Variants in ATG4B observed in about 807,000 individuals in gnomAD.
ATG4B encodes cysteine protease ATG4B.
A neutral mutation model predicts 56.6 loss-of-function variants in ATG4B; 29 were observed. The observed-to-expected ratio is 0.51, with a 90% confidence interval of 0.38 to 0.70. The LOEUF is 0.70. Ranked by LOEUF, ATG4B falls within the 30% of genes least tolerant of loss-of-function variation. The pLI, the probability that ATG4B is intolerant of heterozygous loss-of-function variation, is 0.00. For missense variants in ATG4B, 461 were observed against 515.5 expected (o/e 0.89, Z 1.02); for synonymous variants, 224 against 206.1 (o/e 1.09, Z -0.74).
rs140037398 is a variant in ATG4B at position 241,645,729 on chromosome 2, C to T, written c.11-5281C>T. The stretch of plus-strand genomic sequence containing the variant: ...ACGTGTGGACACTCCCCACTTGCAG[C>T]GTCCTCCACAGTACCGAGAGGAGGG... On this transcript the variant is annotated intron_variant, in intron 1 of 12. Coordinates refer to ENST00000404914, the MANE Select transcript of ATG4B (RefSeq NM_013325.5). 4.0e-3 allele frequency among the ~76,000 whole-genome samples: 608 copies of T among 152,254 alleles called. 6 individuals carry two copies. Among genetic ancestry groups the T allele is most frequent in the African/African-American group, 0.014 (575 of 41,542 alleles).
Position 241,673,244 on chromosome 2 carries a change from G to C in ATG4B, c.*980G>C. The C allele has an allele frequency of 3.1e-6, 1 of 319,986 alleles. No homozygotes were observed. The highest frequency in any genetic ancestry group is 6.3e-6 in the Non-Finnish European group (1 of 159,770). 19.8% of individuals were successfully genotyped at this position (319,986 alleles called of 1,614,324 possible). Reference sequence around the variant, plus strand: ...CAGACACCACAGGGTGGCATCACCTGGTGGCATTTCCAGAACCTCAGCCCC... The same window carrying C: ...CAGACACCACAGGGTGGCATCACCTCGTGGCATTTCCAGAACCTCAGCCCC... On this transcript the variant is annotated 3_prime_UTR_variant, in exon 13 of 13. Transcript: ENST00000404914.
rs138274580 is a variant in ATG4B at position 241,670,757 on chromosome 2, A to G, written c.989A>G (p.Asn330Ser). 39,126 of 1,610,876 alleles carry G rather than the reference A, an allele frequency of 0.024. 1,311 individuals carry two copies. The highest frequency in any genetic ancestry group is 0.14 in the African/African-American group (10,366 of 74,934). Residue 330 changes from asparagine to serine, a missense_variant, in exon 11 of 13, where the codon AAT becomes AGT. Transcript: ENST00000404914. ...GFFCKTEDDFNDWCQQVKKLS... is the reference protein window; with the variant it reads ...GFFCKTEDDFSDWCQQVKKLS... Reference sequence around the variant, plus strand: ...TTCTGTAAGACTGAAGATGACTTCAATGATTGGTGCCAGCAAGTCAAAAAG... The same window carrying G: ...TTCTGTAAGACTGAAGATGACTTCAGTGATTGGTGCCAGCAAGTCAAAAAG...
At chr2:241,643,215 CT>C (rs1348753704) in intron 1 of ATG4B, among the ~76,000 whole-genome samples, 1 of 151,508 alleles carries the variant, frequency 6.6e-6, no homozygotes, top group Non-Finnish European at 1.5e-5. Flanking sequence ...TGCGTGTCAT[CT>C]TTTTTTGAGG....
chr2:241,652,002 C>G, intron 3 of ATG4B: 1 of 1,298,756 alleles, frequency 7.7e-7, no homozygotes, highest in Non-Finnish European at 1.0e-6. Flanking sequence ...GTCATGCTTC[C>G]TCAGTGCCAG....
intron 1 of ATG4B, among the ~76,000 whole-genome samples, chr2:241,639,278 AG>A (rs2067807864): frequency 6.6e-6 from 1 of 152,198 alleles, no homozygotes; most frequent in Non-Finnish European, 1.5e-5. Context: ...TGTCCAGACA[AG>A]GGGAAGGTAG....
rs1020900293 is a variant in ATG4B at position 241,668,092 on chromosome 2, G to A, written c.733-51G>A. ...GGCCCCCTATGGCAGTGGGTGGGGG[G>A]ACCGTCTGCTCCCACCTGGGACCTG... On this transcript the variant is annotated intron_variant, in intron 8 of 12. Coordinates refer to ENST00000404914, the MANE Select transcript of ATG4B (RefSeq NM_013325.5). This position sits in a 1 kb window ranked among gnomAD's most constrained non-coding sequence, Gnocchi z 4.2. The A allele has an allele frequency of 1.3e-6, 2 of 1,538,722 alleles. No individual in the cohort carries two copies. The highest frequency in any genetic ancestry group is 2.0e-5 in the Admixed American group (1 of 50,852).
Position 241,668,505 on chromosome 2 carries a change from G to A in ATG4B, c.812-35G>A, listed in dbSNP as rs769764503. ...CTCTGTCCCTTTCCTCTGCCGGCTC[G>A]GCCACCCACCTGCCCACCTGCCTCA... On this transcript the variant is annotated intron_variant, in intron 9 of 12. Transcript: ENST00000404914. The surrounding 1 kb of genome is among the most constrained non-coding windows in gnomAD (Gnocchi z 4.2). 4.4e-6 allele frequency: 7 copies of A among 1,595,232 alleles called. No homozygotes were observed. Among genetic ancestry groups the A allele is most frequent in the Admixed American group, 1.7e-5 (1 of 58,514 alleles).
chr2:241,669,973 G>A (rs1324867595), intron 10 of ATG4B, among the ~76,000 whole-genome samples: 1 of 152,112 alleles, frequency 6.6e-6, no homozygotes, highest in South Asian at 2.1e-4. Flanking sequence ...ACGCGTGAAC[G>A]TTGAGTTGAG....
intron 7 of ATG4B, among the ~76,000 whole-genome samples, chr2:241,663,970 T>C (rs980645242): frequency 6.6e-6 from 1 of 152,018 alleles, no homozygotes; most frequent in South Asian, 2.1e-4. Context: ...CCACCACGCC[T>C]GGCTAATTTT....
chr2:241,663,963 C>T (rs1474659031), intron 7 of ATG4B, among the ~76,000 whole-genome samples: 1 of 152,000 alleles, frequency 6.6e-6, no homozygotes. Context: ...GTGCATGCCA[C>T]CACGCCTGGC....
At chr2:241,669,354 C>A (rs996903452) in intron 10 of ATG4B, among the ~76,000 whole-genome samples, 2 of 152,184 alleles carry the variant, frequency 1.3e-5, no homozygotes, top group East Asian at 3.9e-4. Flanking sequence ...GATGCTCCGC[C>A]CCATTTAGGA....
intron 1 of ATG4B, among the ~76,000 whole-genome samples, chr2:241,639,585 C>T (rs1386541417): frequency 2.0e-5 from 3 of 152,158 alleles, no homozygotes. Context: ...CACTGACAAT[C>T]GAAGGGTGAG....
intron 1 of ATG4B, among the ~76,000 whole-genome samples, chr2:241,637,998 G>A (rs1016129188): frequency 6.6e-6 from 1 of 151,670 alleles, no homozygotes; most frequent in African/African-American, 2.4e-5. Flanking sequence ...CGCTCCGGAG[G>A]TTGTGGCTGC....
At chr2:241,660,002 C>A (rs945788092) in intron 7 of ATG4B, among the ~76,000 whole-genome samples, 29 of 152,100 alleles carry the variant, frequency 1.9e-4, no homozygotes, top group Non-Finnish European at 4.0e-4. Context: ...CCAGCCTGGC[C>A]AACATGGTGA....
intron 1 of ATG4B, 78 bp downstream of exon 1, chr2:241,637,802 G>A: frequency 6.9e-7 from 1 of 1,452,062 alleles, no homozygotes; most frequent in Non-Finnish European, 9.1e-7. Flanking sequence ...GGGTCGGGCT[G>A]CCGCGACTCG....
intron 1 of ATG4B, among the ~76,000 whole-genome samples, chr2:241,647,194 A>G (rs1263479064): frequency 6.6e-6 from 1 of 152,238 alleles, no homozygotes; most frequent in Non-Finnish European, 1.5e-5. Flanking sequence ...GCCAGTGTTC[A>G]TTTAGCTCTG....
chr2:241,658,203 G>T (rs143582170), intron 6 of ATG4B, among the ~76,000 whole-genome samples: 1,993 of 152,258 alleles, frequency 0.013, 51 homozygotes, highest in African/African-American at 0.046. Context: ...CTGCATCTGG[G>T]CTAGAGGTGG....
At chr2:241,667,448 A>G (rs972423239) in intron 8 of ATG4B, among the ~76,000 whole-genome samples, 6 of 151,860 alleles carry the variant, frequency 4.0e-5, no homozygotes, top group African/African-American at 1.5e-4. Context: ...TACTAAAAAT[A>G]TAAAAATTAG....
chr2:241,646,215 G>A (rs547035537), intron 1 of ATG4B, among the ~76,000 whole-genome samples: 65 of 152,304 alleles, frequency 4.3e-4, no homozygotes, highest in Admixed American at 2.3e-3. Context: ...ATTTTACTGC[G>A]TCCGTGATGA....
Sources: gnomAD v4.1 joint callset for allele counts (sites outside exome capture counted in the v4.1 genomes callset) on GRCh38, gnomAD v4.1.1 for gene constraint, Gnocchi (gnomAD v3.1) non-coding constraint, MANE v1.5 for transcripts, NCBI Gene and HGNC (gene_info 2026-07-23, HGNC 2026-07-21) for gene names.